Variants in MSRA observed in about 807,000 individuals in gnomAD.
MSRA encodes the protein mitochondrial peptide methionine sulfoxide reductase.
A neutral mutation model predicts 31.3 loss-of-function variants in MSRA; 54 were observed. That is an observed-to-expected ratio of 1.73 (90% CI 1.39 to 2.17). The LOEUF is 2.17. Ranked by LOEUF, MSRA falls within the 30% of genes most tolerant of loss-of-function variation. The pLI is 0.00. For synonymous variants in MSRA, 169 were observed against 116.5 expected, an observed-to-expected ratio of 1.45 and a Z score of -2.90; for missense variants, 507 against 300.9, an observed-to-expected ratio of 1.69 and a Z score of -5.07.
chr8:10,221,931 G>C (rs1385308785), intron 2 of MSRA, among the ~76,000 whole-genome samples: 4 of 152,198 alleles, frequency 2.6e-5, no homozygotes, highest in African/African-American at 7.2e-5. Flanking sequence ...CGTGTAATCA[G>C]CAAGGGAGGA....
chr8:10,224,495 G>A (rs1403961256), intron 2 of MSRA, among the ~76,000 whole-genome samples: 2 of 150,836 alleles, frequency 1.3e-5, no homozygotes, highest in Non-Finnish European at 1.5e-5. Context: ...ATTACCAGAA[G>A]AAAAAAAAAG....
chr8:10,134,218 A>C (rs910033926), intron 1 of MSRA, among the ~76,000 whole-genome samples: 6 of 152,176 alleles, frequency 3.9e-5, no homozygotes, highest in African/African-American at 1.4e-4. Context: ...CACTCTCTGC[A>C]CCTTTCTATT....
intron 5 of MSRA, among the ~76,000 whole-genome samples, chr8:10,413,662 A>AC (rs1808289726): frequency 1.2e-3 from 1 of 828 alleles, no homozygotes; most frequent in Non-Finnish European, 3.6e-3. Flanking sequence ...GAGAGATATT[A>AC]AAAAAAAAAA....
chr8:10,146,459 C>G (rs1033095812), intron 1 of MSRA, among the ~76,000 whole-genome samples: 1 of 152,162 alleles, frequency 6.6e-6, no homozygotes, highest in African/African-American at 2.4e-5. Flanking sequence ...GTGAGTAAAA[C>G]AGCTGCTGCC....
chr8:10,144,520 T>A (rs1239222122), intron 1 of MSRA, among the ~76,000 whole-genome samples: 3 of 152,188 alleles, frequency 2.0e-5, no homozygotes, highest in Non-Finnish European at 4.4e-5. Context: ...GAACCAACAT[T>A]GCACGTACAT....
intron 1 of MSRA, among the ~76,000 whole-genome samples, chr8:10,097,944 A>C (rs559515881): frequency 3.3e-4 from 51 of 152,250 alleles, no homozygotes; most frequent in African/African-American, 1.2e-3. Context: ...TCTGGCCTAC[A>C]CATTACATAG....
At chr8:10,233,390 T>C (rs991447624) in intron 2 of MSRA, among the ~76,000 whole-genome samples, 2 of 152,246 alleles carry the variant, frequency 1.3e-5, no homozygotes, top group Admixed American at 6.5e-5. Flanking sequence ...AAATGAAATA[T>C]AAATTGACTC....
intron 5 of MSRA, among the ~76,000 whole-genome samples, chr8:10,387,197 C>G (rs928220848): frequency 1.3e-5 from 2 of 152,188 alleles, no homozygotes; most frequent in African/African-American, 4.8e-5. Context: ...GAGATTTAAC[C>G]TCTCTCCACC....
At chr8:10,205,449 C>G (rs998438014) in intron 1 of MSRA, among the ~76,000 whole-genome samples, 13 of 152,048 alleles carry the variant, frequency 8.5e-5, no homozygotes, top group African/African-American at 3.1e-4. Context: ...GTGGGGGATG[C>G]TGGCACAGAA....
chr8:10,411,896 G>C (rs1004795946), intron 5 of MSRA, among the ~76,000 whole-genome samples: 1 of 79,934 alleles, frequency 1.3e-5, no homozygotes, highest in Non-Finnish European at 3.3e-5. Context: ...CAGGGGTGGC[G>C]AACAGCCCTG....
chr8:10,355,681 G>A (rs1327401182), intron 5 of MSRA, among the ~76,000 whole-genome samples: 1 of 152,116 alleles, frequency 6.6e-6, no homozygotes, highest in Admixed American at 6.5e-5. Context: ...CTGGCTGCTG[G>A]GATCCTAGTA....
At chr8:10,393,019 G>T (rs1046259197) in intron 5 of MSRA, among the ~76,000 whole-genome samples, 1 of 134,700 alleles carries the variant, frequency 7.4e-6, no homozygotes, top group Non-Finnish European at 1.5e-5. Flanking sequence ...CCGAGATAGC[G>T]CCGCTGCACT....
intron 5 of MSRA, among the ~76,000 whole-genome samples, chr8:10,348,440 G>C (rs923736699): frequency 7.4e-6 from 1 of 135,408 alleles, no homozygotes. Flanking sequence ...CGTGATCTCG[G>C]CTCACTGCAA....
intron 1 of MSRA, among the ~76,000 whole-genome samples, chr8:10,199,704 G>A (rs1347410007): frequency 6.6e-6 from 1 of 152,160 alleles, no homozygotes; most frequent in Non-Finnish European, 1.5e-5. Flanking sequence ...ATCATGAGAA[G>A]GAAGAATGCC....
intron 5 of MSRA, among the ~76,000 whole-genome samples, chr8:10,381,842 G>A (rs1231348065): frequency 1.3e-5 from 2 of 152,172 alleles, no homozygotes; most frequent in East Asian, 1.9e-4. Context: ...GCCATCTTTA[G>A]GGACTGGAAA....
intron 2 of MSRA, among the ~76,000 whole-genome samples, chr8:10,236,693 C>T (rs779032645): frequency 1.1e-4 from 16 of 152,176 alleles, no homozygotes; most frequent in South Asian, 4.1e-4. Context: ...TACAGGTGCA[C>T]GCCACCACAC....
chr8:10,062,478 C>T (rs116180767), intron 1 of MSRA, among the ~76,000 whole-genome samples: 78 of 152,320 alleles, frequency 5.1e-4, no homozygotes, highest in African/African-American at 1.7e-3. Context: ...AATTGACTTA[C>T]TCTTTGTACC....
intron 5 of MSRA, among the ~76,000 whole-genome samples, chr8:10,382,499 T>G (rs1269998214): frequency 6.6e-6 from 1 of 152,230 alleles, no homozygotes; most frequent in East Asian, 1.9e-4. Flanking sequence ...TTGAGTGCCC[T>G]ATTTGCAGAA....
At chr8:10,415,987 C>G (rs577969859) in intron 5 of MSRA, among the ~76,000 whole-genome samples, 2 of 152,104 alleles carry the variant, frequency 1.3e-5, no homozygotes, top group Admixed American at 6.5e-5. Context: ...CGTGTGTCCT[C>G]TCTCCTCCAA....
Sources: gnomAD v4.1 joint callset for allele counts (sites outside exome capture counted in the v4.1 genomes callset) on GRCh38, gnomAD v4.1.1 for gene constraint, MANE v1.5 for transcripts, NCBI Gene and HGNC (gene_info 2026-07-23, HGNC 2026-07-21) for gene names.